The following HS6ST3 variants were observed in gnomAD, a reference collection of about 807,000 sequenced individuals.
HS6ST3 encodes the protein heparan sulfate 6-O-sulfotransferase 3.
HS6ST3 carries 12 observed loss-of-function variants against 36.7 expected under a neutral mutation model. That is an observed-to-expected ratio of 0.33 (90% CI 0.21 to 0.53). The LOEUF (loss-of-function observed/expected upper bound fraction) is 0.53, where lower values mean the gene tolerates loss of function less well. HS6ST3 is among the 20% of genes least tolerant of loss of function. The probability of loss-of-function intolerance (pLI) is 0.95; values close to 1 mark genes in which losing one functional copy is unlikely to be tolerated. For missense variants in HS6ST3, 584 were observed against 640.9 expected (o/e 0.91, Z 0.96); for synonymous variants, 240 against 257.5 (o/e 0.93, Z 0.65).
At chr13:96,765,212 T>C (rs1258496249) in intron 1 of HS6ST3, among the ~76,000 whole-genome samples, 2 of 152,092 alleles carry the variant, frequency 1.3e-5, no homozygotes, top group Non-Finnish European at 2.9e-5. Context: ...TAGCTGGGAC[T>C]AAGGCAGCCG....
At position 96,386,157 on chromosome 13, in the gene HS6ST3, A is replaced by G. The variant is rs556468785; in HGVS notation, c.707+294588A>G. On this transcript the variant is annotated intron_variant, in intron 1 of 1. Coordinates refer to ENST00000376705, the MANE Select transcript of HS6ST3 (RefSeq NM_153456.4). ...GTAAATTTGCTTTATAGTGACCCAA[A>G]TTGACCACCTGCCCTCAGGGGCGAA... 2.6e-5 allele frequency among the ~76,000 whole-genome samples: 4 copies of G among 152,362 alleles called. No homozygotes were observed. In the East Asian group the frequency reaches 5.8e-4, roughly 22 times the overall value.
chr13:96,653,813 A>G (rs2139014408), intron 1 of HS6ST3, among the ~76,000 whole-genome samples: 1 of 152,312 alleles, frequency 6.6e-6, no homozygotes, highest in Middle Eastern at 3.4e-3. Context: ...GAACTAATTT[A>G]CATTCCCACC....
At chr13:96,120,533 C>T (rs999583405) in intron 1 of HS6ST3, among the ~76,000 whole-genome samples, 1 of 152,160 alleles carries the variant, frequency 6.6e-6, no homozygotes, top group East Asian at 1.9e-4. Flanking sequence ...ATTTCCTATA[C>T]ATCATAGAGT....
At chr13:96,237,893 C>T (rs1430481075) in intron 1 of HS6ST3, among the ~76,000 whole-genome samples, 1 of 152,126 alleles carries the variant, frequency 6.6e-6, no homozygotes, top group Non-Finnish European at 1.5e-5. Flanking sequence ...CATTGTTCTG[C>T]CTCAAAATGT....
At chr13:96,145,533 A>T (rs2054053638) in intron 1 of HS6ST3, among the ~76,000 whole-genome samples, 1 of 151,832 alleles carries the variant, frequency 6.6e-6, no homozygotes, top group Non-Finnish European at 1.5e-5. Context: ...GTTTGAGTTC[A>T]TTGTAGATTC....
intron 1 of HS6ST3, among the ~76,000 whole-genome samples, chr13:96,553,575 G>A (rs2056228256): frequency 6.6e-6 from 1 of 152,184 alleles, no homozygotes; most frequent in Admixed American, 6.5e-5. Context: ...GGAAAGAGCA[G>A]GTGTAGAGAT....
chr13:96,256,554 G>A (rs1399133727), intron 1 of HS6ST3, among the ~76,000 whole-genome samples: 2 of 152,210 alleles, frequency 1.3e-5, no homozygotes, highest in Admixed American at 6.5e-5. Context: ...CCAGCTGGTA[G>A]TACATGCCTG....
At chr13:96,473,877 C>T (rs1274017442) in intron 1 of HS6ST3, among the ~76,000 whole-genome samples, 1 of 152,152 alleles carries the variant, frequency 6.6e-6, no homozygotes, top group African/African-American at 2.4e-5. Context: ...ACTTTTGCTA[C>T]CGTGTACTCC....
chr13:96,721,791 A>G (rs529419018), intron 1 of HS6ST3, among the ~76,000 whole-genome samples: 2 of 152,322 alleles, frequency 1.3e-5, no homozygotes, highest in East Asian at 3.9e-4. Context: ...TCCTGGAGCC[A>G]AGCTCATTAA....
intron 1 of HS6ST3, among the ~76,000 whole-genome samples, chr13:96,263,439 C>G (rs1351059566): frequency 2.0e-5 from 3 of 151,976 alleles, no homozygotes; most frequent in African/African-American, 7.3e-5. Context: ...CATGTGAGCA[C>G]CCACATTAAT....
intron 1 of HS6ST3, among the ~76,000 whole-genome samples, chr13:96,237,259 A>G (rs2054539032): frequency 6.6e-6 from 1 of 152,234 alleles, no homozygotes; most frequent in Admixed American, 6.5e-5. Context: ...GATAGAAGCC[A>G]ACAGAATGAA....
chr13:96,587,568 G>C (rs1328971484), intron 1 of HS6ST3, among the ~76,000 whole-genome samples: 1 of 152,352 alleles, frequency 6.6e-6, no homozygotes, highest in East Asian at 1.9e-4. Flanking sequence ...CGTGGCAGGA[G>C]CATATGCAAG....
At chr13:96,820,082 T>TAA (rs1248454225) in intron 1 of HS6ST3, among the ~76,000 whole-genome samples, 1 of 136,066 alleles carries the variant, frequency 7.3e-6, no homozygotes, top group African/African-American at 2.7e-5. Flanking sequence ...TCTCAAAAAA[T>TAA]AAAAAAAAAA....
intron 1 of HS6ST3, among the ~76,000 whole-genome samples, chr13:96,765,584 CTCTT>C (rs1230507405): frequency 4.0e-4 from 46 of 115,966 alleles, no homozygotes; most frequent in South Asian, 2.4e-3. Context: ...TGCGCTCTCT[CTCTT>C]TCTCTCTCTC....
intron 1 of HS6ST3, among the ~76,000 whole-genome samples, chr13:96,266,063 T>C (rs1023107465): frequency 2.6e-5 from 4 of 152,124 alleles, no homozygotes; most frequent in African/African-American, 9.7e-5. Flanking sequence ...TTAAATACCC[T>C]GCAAGAGCAC....
intron 1 of HS6ST3, among the ~76,000 whole-genome samples, chr13:96,282,483 C>T (rs1467679414): frequency 6.6e-6 from 1 of 152,114 alleles, no homozygotes; most frequent in African/African-American, 2.4e-5. Context: ...ACTCAGTAAC[C>T]AATGAGGAAC....
intron 1 of HS6ST3, among the ~76,000 whole-genome samples, chr13:96,508,133 A>G (rs930029626): frequency 1.3e-5 from 2 of 152,114 alleles, no homozygotes; most frequent in Admixed American, 6.6e-5. Context: ...TATGAGTTAC[A>G]TGATTATGTT....
chr13:96,662,780 G>A (rs1275356751), intron 1 of HS6ST3, among the ~76,000 whole-genome samples: 2 of 151,976 alleles, frequency 1.3e-5, no homozygotes, highest in African/African-American at 4.8e-5. Context: ...CTTTGCTTTG[G>A]ATGGGATGTT....
chr13:96,626,032 C>A (rs565331513), intron 1 of HS6ST3, among the ~76,000 whole-genome samples: 2 of 151,130 alleles, frequency 1.3e-5, no homozygotes, highest in Non-Finnish European at 2.9e-5. Context: ...TTAGTAGAGA[C>A]GAGGCTTCAC....
Sources: allele counts gnomAD v4.1 joint callset (sites outside exome capture counted in the v4.1 genomes callset), GRCh38; gene constraint gnomAD v4.1.1; transcripts MANE v1.5; gene names NCBI Gene and HGNC (gene_info 2026-07-23, HGNC 2026-07-21).